MAP6: variants seen among roughly 807,000 people sequenced by gnomAD.
The protein encoded by MAP6 is microtubule associated protein 6, also known as microtubule-associated protein 6.
A neutral mutation model predicts 42.4 loss-of-function variants in MAP6; 26 were observed. The ratio of observed to expected loss-of-function variants is 0.61; its 90% CI spans 0.45 to 0.85. The LOEUF is 0.85. Ranked by LOEUF, MAP6 falls within the 40% of genes least tolerant of loss-of-function variation. MAP6 has a pLI of 0.00. For synonymous variants in MAP6, 418 were observed against 443.8 expected (o/e 0.94, Z 0.73); for missense variants, 966 against 1,099.0 (o/e 0.88, Z 1.71).
In MAP6 at chr11:75,607,050, G is replaced by A. The variant is rs187170831; in HGVS notation, c.1120-1046C>T. Among the ~76,000 whole-genome samples the A allele has an allele frequency of 3.3e-4, 50 of 152,342 alleles. No individual in the cohort carries two copies. The East Asian group carries it at 3.9e-3, about 12-fold the overall frequency. Reference sequence around the variant, plus strand: ...AGCTGATGCTGGGCCTTGCAGGCTGGATCATTCACTCACTGAGGTGCAGCG... The same window carrying A: ...AGCTGATGCTGGGCCTTGCAGGCTGAATCATTCACTCACTGAGGTGCAGCG... On this transcript the variant is annotated intron_variant, in intron 2 of 3. Coordinates refer to ENST00000304771, the MANE Select transcript of MAP6 (RefSeq NM_033063.2).
chr11:75,661,328 G>C (rs987980739), intron 1 of MAP6, among the ~76,000 whole-genome samples: 1 of 152,034 alleles, frequency 6.6e-6, no homozygotes, highest in South Asian at 2.1e-4. Context: ...AAAAGGAGGG[G>C]AATCTACCCA....
chr11:75,627,084 T>G (rs1315862493), intron 1 of MAP6, among the ~76,000 whole-genome samples: 1 of 152,230 alleles, frequency 6.6e-6, no homozygotes, highest in Non-Finnish European at 1.5e-5. Flanking sequence ...AAACTGTGTA[T>G]AACCTAGGAA....
intron 1 of MAP6, among the ~76,000 whole-genome samples, chr11:75,626,863 G>A (rs554866354): frequency 2.6e-5 from 4 of 152,266 alleles, no homozygotes; most frequent in Non-Finnish European, 5.9e-5. Context: ...GGGCAGAAGA[G>A]GAAAATAAAT....
intron 1 of MAP6, among the ~76,000 whole-genome samples, chr11:75,646,540 A>G (rs1943556639): frequency 6.7e-6 from 1 of 149,752 alleles, no homozygotes; most frequent in African/African-American, 2.5e-5. Context: ...AGCAGTAGCT[A>G]ATGCCTGTAA....
At chr11:75,662,268 C>A (rs191642001) in intron 1 of MAP6, among the ~76,000 whole-genome samples, 9 of 152,124 alleles carry the variant, frequency 5.9e-5, no homozygotes, top group African/African-American at 2.2e-4. Context: ...TACCTCACTC[C>A]ATTCATAAAG....
At chr11:75,616,445 C>T (rs1055696610) in intron 1 of MAP6, among the ~76,000 whole-genome samples, 29 of 152,162 alleles carry the variant, frequency 1.9e-4, no homozygotes, top group African/African-American at 7.0e-4. Flanking sequence ...GTTAAGTCTC[C>T]GTTCAAAAAT....
At chr11:75,642,968 G>T in intron 1 of MAP6, 2 of 406,910 alleles carry the variant, frequency 4.9e-6, no homozygotes, top group Non-Finnish European at 1.0e-5. Flanking sequence ...ACACTTGTTT[G>T]TCAATAATGT....
At chr11:75,635,666 G>A (rs756777687) in intron 1 of MAP6, among the ~76,000 whole-genome samples, 5 of 152,234 alleles carry the variant, frequency 3.3e-5, no homozygotes, top group Non-Finnish European at 7.3e-5. Flanking sequence ...CCTTCTCACA[G>A]TCTGAGGACT....
chr11:75,630,059 C>T (rs1943261702), intron 1 of MAP6, among the ~76,000 whole-genome samples: 4 of 152,138 alleles, frequency 2.6e-5, no homozygotes, highest in Admixed American at 6.5e-5. Flanking sequence ...ATGAGTGATG[C>T]GAGTGTGTGT....
Position 75,587,983 on chromosome 11 carries a change from A to G in MAP6, c.1518T>C (p.Asp506=), listed in dbSNP as rs777721635. 1 of 1,613,998 alleles carries G rather than the reference A, an allele frequency of 6.2e-7. No homozygotes were observed. The highest frequency in any genetic ancestry group is 8.5e-7 in the Non-Finnish European group (1 of 1,180,026). The part of the protein sequence containing the change: ...LGPMIPLPVK[D]QDHTVPEPLK... ...AAGGCTCAGGGACCGTGTGATCTTG[A>G]TCCTTGACTGGTAATGGGATCATGG... Residue 506 remains aspartate, a synonymous_variant, in exon 4 of 4, where the codon GAT becomes GAC. Transcript: ENST00000304771.
intron 1 of MAP6, among the ~76,000 whole-genome samples, chr11:75,631,883 G>A (rs184727284): frequency 1.5e-3 from 224 of 152,326 alleles, no homozygotes; most frequent in Middle Eastern, 3.4e-3. Context: ...AATACCACCT[G>A]TGAACACATT....
intron 1 of MAP6, among the ~76,000 whole-genome samples, chr11:75,640,991 C>T (rs1312471698): frequency 6.6e-6 from 1 of 152,092 alleles, no homozygotes; most frequent in Non-Finnish European, 1.5e-5. Flanking sequence ...TGGGTATATA[C>T]CCAAAGGATT....
intron 1 of MAP6, among the ~76,000 whole-genome samples, chr11:75,664,160 T>A (rs146879365): frequency 2.8e-3 from 433 of 152,306 alleles, no homozygotes; most frequent in Non-Finnish European, 4.4e-3. Context: ...AAAATGGTAA[T>A]AAAGACATGC....
chr11:75,655,284 G>C (rs1673784287), intron 1 of MAP6, among the ~76,000 whole-genome samples: 1 of 152,142 alleles, frequency 6.6e-6, no homozygotes, highest in African/African-American at 2.4e-5. Context: ...TTTCTCAATG[G>C]ACTAAAAGCC....
Position 75,605,889 on chromosome 11 carries a change from C to G in MAP6, c.1235G>C (p.Ser412Thr). The G allele has an allele frequency of 6.2e-7, 1 of 1,614,168 alleles. No individual in the cohort carries two copies. Among genetic ancestry groups the G allele is most frequent in the African/African-American group, 1.3e-5 (1 of 75,044 alleles). Residue 412 changes from serine (S) to threonine (T), a missense_variant, in exon 3 of 4, where the codon AGC (serine) becomes ACC (threonine). Ser to Thr is a moderately conservative substitution (Grantham distance 58, BLOSUM62 1). Transcript: ENST00000304771. ...CTTGGTGGTACTCGGGCCCTCCGCG[C>G]TCTTTTTCTTGGCAGCCTGGCCTGA... ...AVSGQAAKKK[S>T]AEGPSTTKPD...
chr11:75,616,319 A>T (rs909005886), intron 1 of MAP6, among the ~76,000 whole-genome samples: 14 of 152,128 alleles, frequency 9.2e-5, no homozygotes, highest in African/African-American at 2.4e-4. Context: ...TCTTTATAAA[A>T]TTTTTTTGAC....
chr11:75,655,681 T>C (rs1396991451), intron 1 of MAP6, among the ~76,000 whole-genome samples: 2 of 152,196 alleles, frequency 1.3e-5, no homozygotes, highest in Admixed American at 1.3e-4. Context: ...GGAGATGGTA[T>C]GGGCTTAGCA....
chr11:75,601,978 A>G (rs189587504), intron 3 of MAP6, among the ~76,000 whole-genome samples: 2 of 151,858 alleles, frequency 1.3e-5, no homozygotes, highest in African/African-American at 4.8e-5. Flanking sequence ...CCCCACTGTG[A>G]TCAGAGGCGG....
chr11:75,624,122 G>A (rs1221986347), intron 1 of MAP6, among the ~76,000 whole-genome samples: 1 of 152,142 alleles, frequency 6.6e-6, no homozygotes, highest in Non-Finnish European at 1.5e-5. Flanking sequence ...TTTACTTTCG[G>A]CAAGCTTTTC....
Sources: gnomAD v4.1 joint callset for allele counts (sites outside exome capture counted in the v4.1 genomes callset) on GRCh38, gnomAD v4.1.1 for gene constraint, MANE v1.5 for transcripts, NCBI Gene and HGNC (gene_info 2026-07-23, HGNC 2026-07-21) for gene names.